MCC: variants seen among roughly 807,000 people sequenced by gnomAD.
MCC encodes colorectal mutant cancer protein.
Under a neutral mutation model 116.2 loss-of-function variants are expected in MCC, and 90 were observed. The observed-to-expected ratio is 0.77, with a 90% confidence interval of 0.65 to 0.92. The LOEUF (loss-of-function observed/expected upper bound fraction) is 0.92. MCC is among the 40% of genes least tolerant of loss of function. MCC has a pLI of 0.00. For missense variants in MCC, 1,516 were observed against 1,312.2 expected, an observed-to-expected ratio of 1.16 and a Z score of -2.40; for synonymous variants, 578 against 510.5, an observed-to-expected ratio of 1.13 and a Z score of -1.78.
At chr5:113,386,754 C>CATATATATATATATATATATATATAT (rs10673164) in intron 1 of MCC, among the ~76,000 whole-genome samples, 15 of 141,094 alleles carry the variant, frequency 1.1e-4, no homozygotes, top group East Asian at 4.2e-4. Flanking sequence ...ATATGTATAT[C>CATATATATATATATATATATATATAT]ATATATATAT....
In MCC at chr5:113,488,296, A is replaced by G; in HGVS notation, c.119T>C (p.Met40Thr). 1 of 1,594,324 alleles carries G rather than the reference A, an allele frequency of 6.3e-7. No homozygotes were observed. Among genetic ancestry groups the G allele is most frequent in the South Asian group, 1.1e-5 (1 of 90,270 alleles). ...GTCGCACGTCTGGAAGAGGCGCCGCATCCTCTCCTCCTCGCCGGTGCTGGA... is the reference window on the plus strand; with the variant it reads ...GTCGCACGTCTGGAAGAGGCGCCGCGTCCTCTCCTCCTCGCCGGTGCTGGA... ...DTSSTGEEER[M>T]RRLFQTCDGD... The change falls in exon 1 of 19, where the codon ATG becomes ACG. Residue 40 changes from methionine to threonine, a missense_variant. Coordinates refer to ENST00000408903, the MANE Select transcript of MCC (RefSeq NM_001085377.2).
intron 5 of MCC, among the ~76,000 whole-genome samples, chr5:113,128,312 T>G (rs1356382924): frequency 6.6e-6 from 1 of 152,232 alleles, no homozygotes; most frequent in African/African-American, 2.4e-5. Context: ...GGCCAACTAA[T>G]CCACCCTACT....
chr5:113,121,194 T>G lies in MCC; in HGVS notation c.1027+1490A>C, dbSNP rs147232657. Among the ~76,000 whole-genome samples the G allele has an allele frequency of 6.8e-3, 1,035 of 152,320 alleles. 6 individuals carry two copies. The highest frequency in any genetic ancestry group is 0.013 in the South Asian group (64 of 4,826). ...TTGCCCATCTAGAGTTCTGCAATAG[T>G]TTCCAAGCTAGCCTCCCCAACTCAT... On this transcript the variant is annotated intron_variant, in intron 6 of 18. Transcript: ENST00000408903.
intron 1 of MCC, among the ~76,000 whole-genome samples, chr5:113,407,721 T>C (rs1426419071): frequency 1.3e-5 from 2 of 152,206 alleles, no homozygotes; most frequent in Non-Finnish European, 2.9e-5. Flanking sequence ...GGGGGTTTGC[T>C]GCACCTATCA....
chr5:113,474,117 C>CT (rs1772170577), intron 1 of MCC, among the ~76,000 whole-genome samples: 1 of 152,140 alleles, frequency 6.6e-6, no homozygotes, highest in African/African-American at 2.4e-5. Flanking sequence ...AGTTGATAAA[C>CT]TTTTTTCTAA....
At chr5:113,444,341 G>A (rs1771143851) in intron 1 of MCC, among the ~76,000 whole-genome samples, 1 of 152,128 alleles carries the variant, frequency 6.6e-6, no homozygotes, top group Admixed American at 6.5e-5. Context: ...GACAGATACT[G>A]TAGTATCTAT....
At chr5:113,232,653 T>C (rs1290055209) in intron 3 of MCC, among the ~76,000 whole-genome samples, 1 of 152,196 alleles carries the variant, frequency 6.6e-6, no homozygotes, top group Non-Finnish European at 1.5e-5. Context: ...GGAAAGTACT[T>C]TGAAAATTTA....
intron 2 of MCC, among the ~76,000 whole-genome samples, chr5:113,360,608 T>C (rs1022904683): frequency 2.0e-5 from 3 of 152,330 alleles, no homozygotes; most frequent in Non-Finnish European, 2.9e-5. Context: ...ATTTCACTCA[T>C]AGTTATGGAA....
At chr5:113,167,283 T>A (rs1446524098) in intron 3 of MCC, among the ~76,000 whole-genome samples, 1 of 152,226 alleles carries the variant, frequency 6.6e-6, no homozygotes, top group African/African-American at 2.4e-5. Flanking sequence ...TTTTCTTAAA[T>A]CCTGGCAATT....
intron 11 of MCC, among the ~76,000 whole-genome samples, chr5:113,079,685 G>A (rs1436557428): frequency 6.6e-6 from 1 of 152,194 alleles, no homozygotes; most frequent in Non-Finnish European, 1.5e-5. Flanking sequence ...TTAAATGTTA[G>A]ACCTAAAACC....
intron 5 of MCC, among the ~76,000 whole-genome samples, chr5:113,127,567 C>T (rs931880047): frequency 2.6e-5 from 4 of 152,154 alleles, no homozygotes; most frequent in Non-Finnish European, 4.4e-5. Flanking sequence ...GATGGTGTGT[C>T]ACTGTGGTTT....
Position 113,085,294 on chromosome 5 carries a change from G to A in MCC, c.1415C>T (p.Thr472Ile), listed in dbSNP as rs1185152824. 1.2e-6 allele frequency: 2 copies of A among 1,612,636 alleles called. No individual in the cohort carries two copies. Among genetic ancestry groups the A allele is most frequent in the Non-Finnish European group, 1.7e-6 (2 of 1,179,016 alleles). The change falls in exon 9 of 19, where the codon ACT (threonine) becomes ATT (isoleucine). Residue 472 changes from threonine (T) to isoleucine (I), a missense_variant. Thr to Ile is a moderately conservative substitution (Grantham distance 89). Coordinates refer to ENST00000408903, the MANE Select transcript of MCC (RefSeq NM_001085377.2). ...RLRRRVRELQ[T>I]RLQSVQATGP... The stretch of plus-strand genomic sequence containing the variant: ...TGTGGCCTGCACGCTCTGTAGTCGA[G>A]TTTGAAGCTCTCTGACCTGAAATCA...
At chr5:113,145,674 G>T (rs1759451625) in intron 4 of MCC, among the ~76,000 whole-genome samples, 1 of 151,894 alleles carries the variant, frequency 6.6e-6, no homozygotes, top group South Asian at 2.1e-4. Flanking sequence ...TGGCCAACCA[G>T]CAGCCCTCGC....
At chr5:113,255,364 T>C (rs184885684) in intron 3 of MCC, among the ~76,000 whole-genome samples, 2 of 152,278 alleles carry the variant, frequency 1.3e-5, no homozygotes, top group East Asian at 1.9e-4. Flanking sequence ...TTAAGAATGA[T>C]TGGACAGAAG....
At chr5:113,179,385 G>C (rs1301162388) in intron 3 of MCC, among the ~76,000 whole-genome samples, 2 of 152,218 alleles carry the variant, frequency 1.3e-5, no homozygotes, top group African/African-American at 4.8e-5. Flanking sequence ...TTAGGGGCAA[G>C]TACACTGGCT....
rs1752633769 is a variant in MCC at position 113,053,727 on chromosome 5, TC to T, written c.2445del (p.Met815IlefsTer8). 1 of 1,604,304 alleles carries T rather than the reference TC, an allele frequency of 6.2e-7. No individual in the cohort carries two copies. The highest frequency in any genetic ancestry group is 8.5e-7 in the Non-Finnish European group (1 of 1,171,908). ...CATGGGACCCACCCACCACATACCT[TC>T]ATGGCCATGAGCTCCTGCATAAGCA... is the stretch of plus-strand genomic sequence containing the variant. ...NAVLMQELMAMKEEMAELKAQ... is the reference protein window; with the variant it reads ...NAVLMQELMAXKEEMAELKAQ... On this transcript the variant is annotated frameshift_variant, in exon 15 of 19. Coordinates refer to ENST00000408903, the MANE Select transcript of MCC (RefSeq NM_001085377.2). LOFTEE classifies it high-confidence loss of function.
intron 1 of MCC, among the ~76,000 whole-genome samples, chr5:113,479,316 G>A (rs374814329): frequency 6.6e-6 from 1 of 152,186 alleles, no homozygotes; most frequent in Non-Finnish European, 1.5e-5. Context: ...AGGGGACTGG[G>A]TCTGGGGTAG....
intron 3 of MCC, among the ~76,000 whole-genome samples, chr5:113,164,035 C>T (rs1056817698): frequency 1.3e-5 from 2 of 152,128 alleles, no homozygotes; most frequent in Admixed American, 6.5e-5. Flanking sequence ...ACCCTATTTA[C>T]AAAGTCTTAT....
chr5:113,335,504 C>A (rs1219003478), intron 3 of MCC, among the ~76,000 whole-genome samples: 1 of 151,602 alleles, frequency 6.6e-6, no homozygotes, highest in Non-Finnish European at 1.5e-5. Flanking sequence ...ACTTCTGTTA[C>A]GTTTTATGTT....
Sources: allele counts gnomAD v4.1 joint callset (sites outside exome capture counted in the v4.1 genomes callset), GRCh38; gene constraint gnomAD v4.1.1; transcripts MANE v1.5; gene names NCBI Gene and HGNC (gene_info 2026-07-23, HGNC 2026-07-21).